ATXN1: variants seen among roughly 807,000 people sequenced by gnomAD.
ATXN1 encodes the protein ataxin 1, also known as ataxin-1.
ATXN1 carries 8 observed loss-of-function variants against 56.4 expected under a neutral mutation model. The ratio of observed to expected loss-of-function variants is 0.14; its 90% CI spans 0.08 to 0.26. The LOEUF is 0.26. Among genes scored for constraint, ATXN1 ranks in the 10% least tolerant of loss-of-function variants. The probability of loss-of-function intolerance (pLI) is 1.00; values close to 1 mark genes in which losing one functional copy is unlikely to be tolerated. For synonymous variants in ATXN1, 514 were observed against 494.6 expected, an observed-to-expected ratio of 1.04 and a Z score of -0.52; for missense variants, 987 against 1,106.5, an observed-to-expected ratio of 0.89 and a Z score of 1.53.
chr6:16,437,422 C>T (rs1759418009), intron 6 of ATXN1, among the ~76,000 whole-genome samples: 1 of 152,206 alleles, frequency 6.6e-6, no homozygotes, highest in Non-Finnish European at 1.5e-5. Flanking sequence ...GGCACAGGTG[C>T]ACAGCAGATC....
chr6:16,529,548 C>G (rs1360365507), intron 4 of ATXN1, among the ~76,000 whole-genome samples: 1 of 152,128 alleles, frequency 6.6e-6, no homozygotes, highest in Non-Finnish European at 1.5e-5. Flanking sequence ...TGTTAATAAC[C>G]CAAACACAAA....
chr6:16,318,377 T>C (rs1271966661), intron 7 of ATXN1, among the ~76,000 whole-genome samples: 1 of 152,220 alleles, frequency 6.6e-6, no homozygotes, highest in Non-Finnish European at 1.5e-5. Flanking sequence ...AAATTGGGCA[T>C]TCTTAACTTT....
chr6:16,712,954 A>G (rs1031452367), intron 2 of ATXN1, among the ~76,000 whole-genome samples: 16 of 152,224 alleles, frequency 1.1e-4, no homozygotes, highest in South Asian at 2.1e-4. Context: ...CTGAAGCCCA[A>G]GCTGGCCTCA....
At chr6:16,425,179 A>G (rs1258440682) in intron 6 of ATXN1, among the ~76,000 whole-genome samples, 1 of 152,192 alleles carries the variant, frequency 6.6e-6, no homozygotes, top group African/African-American at 2.4e-5. Flanking sequence ...CAGAGCACAA[A>G]TTAATATTTA....
chr6:16,474,835 T>TACACACAC (rs80085771), intron 6 of ATXN1, among the ~76,000 whole-genome samples: 7 of 147,018 alleles, frequency 4.8e-5, no homozygotes, highest in African/African-American at 1.7e-4. Context: ...TGTGTGTGCA[T>TACACACAC]ACACACACAC....
chr6:16,613,148 C>T (rs972463510), intron 3 of ATXN1, among the ~76,000 whole-genome samples: 7 of 149,376 alleles, frequency 4.7e-5, no homozygotes, highest in African/African-American at 7.3e-5. Flanking sequence ...GCCTGTAGTC[C>T]CAGCCACTCG....
At chr6:16,494,115 A>T (rs1042805254) in intron 5 of ATXN1, among the ~76,000 whole-genome samples, 6 of 150,376 alleles carry the variant, frequency 4.0e-5, no homozygotes, top group Non-Finnish European at 3.0e-5. Flanking sequence ...ACTGAGAGGC[A>T]TCTCCAGTGC....
intron 6 of ATXN1, among the ~76,000 whole-genome samples, chr6:16,451,487 G>A (rs1158893828): frequency 6.6e-6 from 1 of 152,008 alleles, no homozygotes; most frequent in Admixed American, 6.6e-5. Context: ...CAGGTGCAGT[G>A]CCTCATGCCT....
At chr6:16,411,125 CAAA>C (rs746717153) in intron 6 of ATXN1, among the ~76,000 whole-genome samples, 151 of 80,670 alleles carry the variant, frequency 1.9e-3, no homozygotes, top group African/African-American at 6.5e-3. Flanking sequence ...ACCTCTGTGT[CAAA>C]AAAAAAAAAA....
At chr6:16,526,064 T>TATATATATATATATATATACACAC (rs370698828) in intron 4 of ATXN1, among the ~76,000 whole-genome samples, 20 of 133,310 alleles carry the variant, frequency 1.5e-4, no homozygotes, top group East Asian at 1.2e-3. Flanking sequence ...TATATATATA[T>TATATATATATATATATATACACAC]ACATACATAC....
chr6:16,313,122 C>T (rs559156639), intron 7 of ATXN1, among the ~76,000 whole-genome samples: 28 of 152,188 alleles, frequency 1.8e-4, no homozygotes, highest in African/African-American at 5.5e-4. Flanking sequence ...TTAGGTGATC[C>T]GCCTGCCTTG....
At chr6:16,594,261 A>G (rs999017913) in intron 3 of ATXN1, among the ~76,000 whole-genome samples, 1 of 151,244 alleles carries the variant, frequency 6.6e-6, no homozygotes, top group Admixed American at 6.6e-5. Context: ...ACCCATCAGC[A>G]TAAGTTTCCC....
chr6:16,689,491 T>C (rs544277816), intron 2 of ATXN1, among the ~76,000 whole-genome samples: 113 of 149,218 alleles, frequency 7.6e-4, no homozygotes, highest in Middle Eastern at 3.4e-3. Context: ...TTTTTCTTTT[T>C]TTTCCTTCCT....
Position 16,326,395 on chromosome 6 carries a change from T to C in ATXN1, c.1916A>G (p.Gln639Arg). ...CTGTGCCACCCTGGCTAACGTTACC[T>C]GGGCTCGGTGCTCCCCGACGGCGAA... ...IQFAVGEHRA[Q>R]VSVEVLVEYP... Residue 639 changes from glutamine to arginine, a missense_variant and splice_region_variant, in exon 7 of 8, where the codon CAG (glutamine) becomes CGG (arginine). Gln to Arg is a conservative substitution (Grantham distance 43, BLOSUM62 1). Transcript: ENST00000436367. The surrounding 1 kb of genome is among the most constrained non-coding windows in gnomAD (Gnocchi z 6.6). The C allele has an allele frequency of 1.9e-6, 3 of 1,612,940 alleles. No individual in the cohort carries two copies. The highest frequency in any genetic ancestry group is 2.5e-6 in the Non-Finnish European group (3 of 1,179,412).
chr6:16,381,126 C>G (rs536057739), intron 6 of ATXN1, among the ~76,000 whole-genome samples: 3 of 152,102 alleles, frequency 2.0e-5, no homozygotes, highest in Non-Finnish European at 4.4e-5. Flanking sequence ...CCTGTCTCTA[C>G]TATTACAAAA....
intron 2 of ATXN1, among the ~76,000 whole-genome samples, chr6:16,673,111 G>A (rs1419740848): frequency 1.3e-5 from 2 of 152,048 alleles, no homozygotes; most frequent in African/African-American, 4.8e-5. Flanking sequence ...AATGAGCCTG[G>A]CTGACACTTT....
chr6:16,692,348 TCA>T (rs1481229847), intron 2 of ATXN1, among the ~76,000 whole-genome samples: 1 of 152,254 alleles, frequency 6.6e-6, no homozygotes, highest in African/African-American at 2.4e-5. Context: ...AGCAGCCATA[TCA>T]CAGTCACAAA....
intron 4 of ATXN1, among the ~76,000 whole-genome samples, chr6:16,555,773 C>T (rs1762002141): frequency 6.6e-6 from 1 of 152,208 alleles, no homozygotes; most frequent in Admixed American, 6.5e-5. Flanking sequence ...TCAGCCTAAA[C>T]TCCTTTTGTT....
intron 3 of ATXN1, among the ~76,000 whole-genome samples, chr6:16,627,612 A>G (rs1763429954): frequency 6.6e-6 from 1 of 152,110 alleles, no homozygotes; most frequent in African/African-American, 2.4e-5. Context: ...CTGTCATACT[A>G]GCTACTCGGG....
Sources: gnomAD v4.1 joint callset for allele counts (sites outside exome capture counted in the v4.1 genomes callset) on GRCh38, gnomAD v4.1.1 for gene constraint, Gnocchi (gnomAD v3.1) non-coding constraint, MANE v1.5 for transcripts, NCBI Gene and HGNC (gene_info 2026-07-23, HGNC 2026-07-21) for gene names.